Variants in ABL2 observed in about 807,000 individuals in gnomAD.
ABL2 encodes the protein tyrosine-protein kinase ABL2.
ABL2 carries 49 observed loss-of-function variants against 107.7 expected under a neutral mutation model. The ratio of observed to expected loss-of-function variants is 0.45; its 90% CI spans 0.36 to 0.58. The LOEUF (loss-of-function observed/expected upper bound fraction) is 0.58. ABL2 is among the 20% of genes least tolerant of loss of function. The pLI is 0.00. For synonymous variants in ABL2, 549 were observed against 548.6 expected (o/e 1.00, Z -0.01); for missense variants, 1,245 against 1,457.0 (o/e 0.85, Z 2.37).
chr1:179,165,022 G>A (rs571840381), intron 1 of ABL2, among the ~76,000 whole-genome samples: 24 of 152,256 alleles, frequency 1.6e-4, no homozygotes, highest in African/African-American at 5.5e-4. Context: ...TAGAAGTTAG[G>A]TGAATGTGAT....
intron 1 of ABL2, among the ~76,000 whole-genome samples, chr1:179,174,737 A>G (rs1659935313): frequency 6.6e-6 from 1 of 151,450 alleles, no homozygotes; most frequent in South Asian, 2.1e-4. Context: ...ACTTGAGGTC[A>G]GGAGTTTGAG....
At chr1:179,210,771 T>C (rs1662229983) in intron 1 of ABL2, among the ~76,000 whole-genome samples, 1 of 151,770 alleles carries the variant, frequency 6.6e-6, no homozygotes. Context: ...GGAGAATTGC[T>C]TGAACTTGAG....
rs1663214797 is a variant in ABL2, at chr1:179,226,396, C to T, written c.157+2845G>A. ...CGATCTTGGCTCACTGCAACCTCCA[C>T]CTCCCGGGTTCAAGCGATTCTCCTG... On this transcript the variant is annotated intron_variant, in intron 1 of 11. Transcript: ENST00000502732. Among the ~76,000 whole-genome samples the T allele has an allele frequency of 2.7e-5, 4 of 150,770 alleles. No homozygotes were observed. In the South Asian group the frequency reaches 8.4e-4, roughly 32 times the overall value.
Position 179,184,178 on chromosome 1 carries a change from C to T in ABL2, c.157+45063G>A, listed in dbSNP as rs28914475. 2,090 of 438,778 alleles carry T rather than the reference C, an allele frequency of 4.8e-3. 35 individuals are homozygous for T. The highest frequency in any genetic ancestry group is 0.039 in the African/African-American group (1,878 of 48,756). The allele number at this position is 438,778 out of a possible 1,614,324, so 27.2% of individuals were successfully genotyped here. On this transcript the variant is annotated intron_variant, in intron 1 of 11. Transcript: ENST00000502732. Reference sequence around the variant, plus strand: ...CACTGCTTAGGGAGGAGGACAAAGACGCACTGCATTATCTGACCAAAGTTG... The same window carrying T: ...CACTGCTTAGGGAGGAGGACAAAGATGCACTGCATTATCTGACCAAAGTTG...
At chr1:179,178,425 T>G (rs1190107079) in intron 1 of ABL2, among the ~76,000 whole-genome samples, 3 of 92,168 alleles carry the variant, frequency 3.3e-5, no homozygotes, top group Non-Finnish European at 7.6e-5. Flanking sequence ...AAAAAATTAT[T>G]TGTGTAAGAA....
At position 179,150,013 on chromosome 1, in the gene ABL2, C is replaced by T. The variant is rs76574945; in HGVS notation, c.158-16639G>A. ...TTGGGAGGCCAGGGTGGGAGGGCTGCTTTAGGCCAGGAGTTCAAGACCAGC... is the reference window on the plus strand; with the variant it reads ...TTGGGAGGCCAGGGTGGGAGGGCTGTTTTAGGCCAGGAGTTCAAGACCAGC... On this transcript the variant is annotated intron_variant, in intron 1 of 11. Transcript: ENST00000502732. Among the ~76,000 whole-genome samples, 290 of 152,216 alleles carry T rather than the reference C, an allele frequency of 1.9e-3. 1 individual carries two copies. Among genetic ancestry groups the T allele is most frequent in the African/African-American group, 6.6e-3 (276 of 41,528 alleles).
intron 1 of ABL2, 43 bp downstream of exon 1, chr1:179,229,198 C>CCCCCCCCCCCCCCCCCCCCCCA: frequency 5.1e-6 from 7 of 1,360,008 alleles, no homozygotes; most frequent in East Asian, 3.1e-5. Flanking sequence ...ACCCCACCCC[C>CCCCCCCCCCCCCCCCCCCCCCA]GGCCTCCCCC....
intron 1 of ABL2, among the ~76,000 whole-genome samples, chr1:179,161,949 T>C (rs1008291634): frequency 1.3e-5 from 2 of 152,168 alleles, no homozygotes; most frequent in Non-Finnish European, 2.9e-5. Flanking sequence ...TTTCTCACTC[T>C]CTTTGCCCTT....
In ABL2 at chr1:179,229,632, ACGCCGCCGCCGCCGCCGCCGCCAC is replaced by A. The variant is rs1412199577; in HGVS notation, c.-259_-236del. On this transcript the variant is annotated 5_prime_UTR_variant, in exon 1 of 12. Coordinates refer to ENST00000502732, the MANE Select transcript of ABL2 (RefSeq NM_007314.4). ...CTCCTGTCGCGGCTCCGCGCCCCCAACGCCGCCGCCGCCGCCGCCGCCACCGCCGCCGCCATCTTTAAACCACCG... is the reference window on the plus strand; with the variant it reads ...CTCCTGTCGCGGCTCCGCGCCCCCAACGCCGCCGCCATCTTTAAACCACCG... 3.3e-5 allele frequency: 15 copies of A among 451,702 alleles called. No individual in the cohort carries two copies. The highest frequency in any genetic ancestry group is 1.5e-4 in the African/African-American group (7 of 45,496). The allele number at this position is 451,702 out of a possible 1,614,324, so 28.0% of individuals were successfully genotyped here. A position where few individuals can be genotyped will look rare whatever the true frequency, so the allele number is the denominator to read the frequency against.
intron 1 of ABL2, among the ~76,000 whole-genome samples, chr1:179,217,745 C>A (rs1003838791): frequency 1.3e-4 from 20 of 152,214 alleles, no homozygotes; most frequent in Middle Eastern, 3.4e-3. Context: ...CTTCATTAGA[C>A]CATCATATAT....
intron 2 of ABL2, among the ~76,000 whole-genome samples, chr1:179,132,581 A>G (rs1015144342): frequency 3.9e-5 from 6 of 151,942 alleles, no homozygotes; most frequent in African/African-American, 7.3e-5. Flanking sequence ...CTTGTTGCCC[A>G]GGCTGGAGTG....
intron 1 of ABL2, among the ~76,000 whole-genome samples, chr1:179,154,235 T>C (rs1658545858): frequency 6.6e-6 from 1 of 152,196 alleles, no homozygotes; most frequent in Non-Finnish European, 1.5e-5. Flanking sequence ...AATAGCTAAG[T>C]TTTCAAAGTT....
At chr1:179,123,375 C>T (rs772830618) in intron 4 of ABL2, among the ~76,000 whole-genome samples, 50 of 151,862 alleles carry the variant, frequency 3.3e-4, no homozygotes, top group East Asian at 5.8e-4. Flanking sequence ...CTTGGTGGTG[C>T]GTGCCTGCAG....
At chr1:179,223,713 G>C (rs1663010676) in intron 1 of ABL2, among the ~76,000 whole-genome samples, 1 of 151,984 alleles carries the variant, frequency 6.6e-6, no homozygotes, top group Non-Finnish European at 1.5e-5. Context: ...AATAAAAAAT[G>C]AAGTTTAGTT....
At chr1:179,125,342 C>T (rs1655634762) in intron 4 of ABL2, among the ~76,000 whole-genome samples, 1 of 152,120 alleles carries the variant, frequency 6.6e-6, no homozygotes, top group Non-Finnish European at 1.5e-5. Context: ...ATGAATATAC[C>T]ACAATTTATT....
rs1404114553 is a variant in ABL2 at position 179,114,614 on chromosome 1, C to G, written c.1561+264G>C. 2.0e-5 allele frequency among the ~76,000 whole-genome samples: 3 copies of G among 152,090 alleles called. No homozygotes were observed. The East Asian group carries it at 5.8e-4, about 29-fold the overall frequency. On this transcript the variant is annotated intron_variant, in intron 9 of 11. Transcript: ENST00000502732. ...AAAACGGCCCTCCCCACCTTAATCT[C>G]TAAACTCAATTTCTTATCTTATTAA... is the stretch of plus-strand genomic sequence containing the variant.
intron 8 of ABL2, 98 bp downstream of exon 8, chr1:179,117,234 T>A: frequency 1.7e-6 from 2 of 1,188,238 alleles, no homozygotes; most frequent in Admixed American, 2.0e-5. Flanking sequence ...CAGGTAAAGG[T>A]AGAGGATACT....
chr1:179,207,973 T>C (rs1231381744), intron 1 of ABL2, among the ~76,000 whole-genome samples: 2 of 152,200 alleles, frequency 1.3e-5, no homozygotes, highest in African/African-American at 4.8e-5. Flanking sequence ...TATCCTTTTT[T>C]TTTGAATAAG....
In ABL2 at chr1:179,228,067, A is replaced by C. The variant is rs570757033; in HGVS notation, c.157+1174T>G. 1.1e-4 allele frequency among the ~76,000 whole-genome samples: 17 copies of C among 151,108 alleles called. No homozygotes were observed. The South Asian group carries it at 3.6e-3, about 32-fold the overall frequency. On this transcript the variant is annotated intron_variant, in intron 1 of 11. Transcript: ENST00000502732. ...TCCGTCTCCAAAAAAAAAAAAAAAA[A>C]AAAAAGAGTTTGGGCCAGGAACGGT...
Sources: allele counts gnomAD v4.1 joint callset (sites outside exome capture counted in the v4.1 genomes callset), GRCh38; gene constraint gnomAD v4.1.1; transcripts MANE v1.5; gene names NCBI Gene and HGNC (gene_info 2026-07-23, HGNC 2026-07-21).